Variants in ZXDC observed in about 807,000 individuals in gnomAD.
ZXDC encodes the protein zinc finger protein ZXDC.
Under a neutral mutation model 63.6 loss-of-function variants are expected in ZXDC, and 58 were observed. That is an observed-to-expected ratio of 0.91 (90% CI 0.74 to 1.13). The LOEUF is 1.13. ZXDC is among the 50% of genes most tolerant of loss of function. ZXDC has a pLI of 0.00. For missense variants in ZXDC, 1,133 were observed against 1,148.9 expected (o/e 0.99, Z 0.20); for synonymous variants, 561 against 496.1 (o/e 1.13, Z -1.74).
At chr3:126,462,300 G>A (rs771990694) in intron 5 of ZXDC, 80 bp from the exon 6 acceptor site, 58 of 1,495,524 alleles carry the variant, frequency 3.9e-5, no homozygotes, top group Admixed American at 1.8e-4. Flanking sequence ...TGATGTTACC[G>A]AGTGATGCCC....
chr3:126,438,399 A>AC lies in ZXDC; in HGVS notation c.2552_2553insG (p.Ile852TyrfsTer27), dbSNP rs1933544518. On this transcript the variant is annotated frameshift_variant, in exon 10 of 10. Transcript: ENST00000389709. LOFTEE classifies it high-confidence loss of function. Reference sequence around the variant, plus strand: ...GTCACTGCAGATCCTGCAGGTTGATAGTGCTTCCTGGGAACTGGGTGGCCT... The same window carrying AC: ...GTCACTGCAGATCCTGCAGGTTGATACGTGCTTCCTGGGAACTGGGTGGCCT... 6 of 1,613,566 alleles carry AC rather than the reference A, an allele frequency of 3.7e-6. No homozygotes were observed. In the East Asian group the frequency reaches 1.3e-4, roughly 36 times the overall value.
chr3:126,461,040 A>T, intron 6 of ZXDC: 3 of 984,862 alleles, frequency 3.0e-6, no homozygotes, highest in Non-Finnish European at 3.6e-6. Flanking sequence ...CTGGGGAAGT[A>T]CTCTTATAAT....
At position 126,475,601 on chromosome 3, in the gene ZXDC, C is replaced by CG; in HGVS notation, c.264dup (p.Glu89ArgfsTer166). Reference sequence around the variant, plus strand: ...TCGGCCTCCTGTGATCCGGCAGCCTCGGCGGCAGCGCCGCCGTGCGGCACT... The same window carrying CG: ...TCGGCCTCCTGTGATCCGGCAGCCTCGGGCGGCAGCGCCGCCGTGCGGCACT... On this transcript the variant is annotated frameshift_variant, in exon 1 of 10. Transcript: ENST00000389709. LOFTEE classifies it high-confidence loss of function. 2 of 1,468,758 alleles carry CG rather than the reference C, an allele frequency of 1.4e-6. No individual in the cohort carries two copies. Among genetic ancestry groups the CG allele is most frequent in the Non-Finnish European group, 1.8e-6 (2 of 1,108,128 alleles). The allele number at this position is 1,468,758 out of a possible 1,614,324, so 91.0% of individuals were successfully genotyped here. A position where few individuals can be genotyped will look rare whatever the true frequency, so the allele number is the denominator to read the frequency against.
Position 126,472,278 on chromosome 3 carries a change from C to T in ZXDC, c.935G>A (p.Ser312Asn). 1 of 1,611,844 alleles carries T rather than the reference C, an allele frequency of 6.2e-7. No individual in the cohort carries two copies. The highest frequency in any genetic ancestry group is 1.1e-5 in the South Asian group (1 of 90,994). ...GGCTCGGTTATGGGAAAACAGGGCACTCACTGTGATAAATGTCTTCTCACA... is the reference window on the plus strand; with the variant it reads ...GGCTCGGTTATGGGAAAACAGGGCATTCACTGTGATAAATGTCTTCTCACA... The part of the protein sequence containing the change: ...PGCEKTFITV[S>N]ALFSHNRAHF... The change falls in exon 2 of 10, where the codon AGT becomes AAT. Residue 312 changes from serine (S) to asparagine (N), a missense_variant. Physicochemically the swap from Ser to Asn is conservative, Grantham distance 46. Transcript: ENST00000389709.
At position 126,466,181 on chromosome 3, in the gene ZXDC, A is replaced by G. The variant is rs1281296806; in HGVS notation, c.1415T>C (p.Met472Thr). 6.2e-7 allele frequency: 1 copy of G among 1,614,002 alleles called. No homozygotes were observed. The change falls in exon 5 of 10, where the codon ATG becomes ACG. Residue 472 changes from methionine to threonine, a missense_variant. Coordinates refer to ENST00000389709, the MANE Select transcript of ZXDC (RefSeq NM_025112.5). The part of the protein sequence containing the change: ...FTSKHSMKAH[M>T]VRQHSRRQDL... ...TTGGCGCCGGCTGTGCTGTCTGACC[A>G]TGTGCGCCTTCATGCTGTGCTTGGA...
intron 5 of ZXDC, 67 bp from the exon 6 acceptor site, chr3:126,462,287 C>A: frequency 6.6e-7 from 1 of 1,510,852 alleles, no homozygotes; most frequent in South Asian, 1.3e-5. Flanking sequence ...TTGTTTATGC[C>A]CATGATGTTA....
rs1233082669 is a variant in ZXDC at position 126,475,181 on chromosome 3, G to A, written c.685C>T (p.Leu229=). 2 of 1,596,840 alleles carry A rather than the reference G, an allele frequency of 1.3e-6. No individual in the cohort carries two copies. Among genetic ancestry groups the A allele is most frequent in the African/African-American group, 1.3e-5 (1 of 74,538 alleles). ...FTTSYKLKRH[L]QSHDKLRPFG... ...GGCCGCAGCTTGTCGTGCGACTGCA[G>A]GTGCCGCTTGAGCTTGTAGGACGTT... The change falls in exon 1 of 10, where the codon CTG becomes TTG. Residue 229 remains leucine (L), a synonymous_variant. Transcript: ENST00000389709.
intron 8 of ZXDC, chr3:126,440,828 G>T: frequency 2.0e-6 from 2 of 986,540 alleles, no homozygotes; most frequent in Non-Finnish European, 2.4e-6. Context: ...TGCCCAGGCT[G>T]CCCCTCCTCT....
chr3:126,475,587 T>C lies in ZXDC; in HGVS notation c.279A>G (p.Ser93=). The C allele has an allele frequency of 6.8e-7, 1 of 1,460,288 alleles. No individual in the cohort carries two copies. Among genetic ancestry groups the C allele is most frequent in the South Asian group, 1.3e-5 (1 of 79,024 alleles). 90.5% of individuals were successfully genotyped at this position (1,460,288 alleles called of 1,614,324 possible). A position where few individuals can be genotyped will look rare whatever the true frequency, so the allele number is the denominator to read the frequency against. The change falls in exon 1 of 10, where the codon TCA becomes TCG. Residue 93 remains serine (S), a synonymous_variant. Coordinates refer to ENST00000389709, the MANE Select transcript of ZXDC (RefSeq NM_025112.5). ...HGGAAAEAAG[S]QEAEPGSRVN... is the part of the protein sequence containing the mutation. ...CACGGGAGCCAGGCTCGGCCTCCTG[T>C]GATCCGGCAGCCTCGGCGGCAGCGC... is the stretch of plus-strand genomic sequence containing the variant.
chr3:126,439,074 T>TCC (rs1353220812), intron 9 of ZXDC, among the ~76,000 whole-genome samples: 1 of 152,106 alleles, frequency 6.6e-6, no homozygotes, highest in Admixed American at 6.5e-5. Flanking sequence ...GGCCCTCTGC[T>TCC]CCCACCAGTG....
intron 7 of ZXDC, among the ~76,000 whole-genome samples, chr3:126,449,995 G>C (rs1049669013): frequency 6.6e-6 from 1 of 152,156 alleles, no homozygotes; most frequent in Non-Finnish European, 1.5e-5. Flanking sequence ...CCAGCACTGG[G>C]GTCACACCCA....
intron 7 of ZXDC, among the ~76,000 whole-genome samples, chr3:126,445,972 C>A (rs1032791014): frequency 3.3e-5 from 5 of 152,126 alleles, no homozygotes; most frequent in Admixed American, 6.5e-5. Flanking sequence ...GGGTCCACAC[C>A]ACGTCCTCAC....
chr3:126,466,263 C>T lies in ZXDC; in HGVS notation c.1333G>A (p.Asp445Asn), dbSNP rs1027050852. The change falls in exon 5 of 10, where the codon GAT becomes AAT. Residue 445 changes from aspartate to asparagine, a missense_variant. By Grantham distance (23) the Asp-to-Asn change is conservative. Coordinates refer to ENST00000389709, the MANE Select transcript of ZXDC (RefSeq NM_025112.5). ...CAACGGCTTTTCGGAGCACCCACAT[C>T]CTGCACGTGTTTCTTAGAGTGAATG... ...LYIHSKKHVQDVGAPKSRCPV... is the reference protein window; with the variant it reads ...LYIHSKKHVQNVGAPKSRCPV... 2.5e-6 allele frequency: 4 copies of T among 1,614,072 alleles called. No homozygotes were observed. The highest frequency in any genetic ancestry group is 2.7e-5 in the African/African-American group (2 of 74,910).
At chr3:126,448,871 C>T (rs1340672030) in intron 7 of ZXDC, among the ~76,000 whole-genome samples, 4 of 152,236 alleles carry the variant, frequency 2.6e-5, no homozygotes, top group Non-Finnish European at 5.9e-5. Context: ...TGGCTGGAAG[C>T]GCTGAGAGGA....
Position 126,459,688 on chromosome 3 carries a change from T to C in ZXDC, c.2177A>G (p.Lys726Arg). ...CCCCGCTCCTCTCTGCTTTTTTTCC[T>C]TGGCTAGTTGAATGGCTCGGTAATC... ...RTDYRAIQLA[K>R]EKKQRGAGSN... The change falls in exon 7 of 10, where the codon AAG becomes AGG. Residue 726 changes from lysine (K) to arginine (R), a missense_variant. Transcript: ENST00000389709. 6.2e-7 allele frequency: 1 copy of C among 1,614,210 alleles called. No individual in the cohort carries two copies. The highest frequency in any genetic ancestry group is 8.5e-7 in the Non-Finnish European group (1 of 1,180,034).
intron 7 of ZXDC, among the ~76,000 whole-genome samples, chr3:126,449,599 G>A (rs995431290): frequency 5.9e-5 from 9 of 152,176 alleles, no homozygotes; most frequent in South Asian, 2.1e-4. Flanking sequence ...ACAAATCATC[G>A]CTCTGGCTGT....
intron 7 of ZXDC, among the ~76,000 whole-genome samples, chr3:126,446,916 G>A (rs1179223345): frequency 1.3e-5 from 2 of 152,176 alleles, no homozygotes; most frequent in African/African-American, 4.8e-5. Flanking sequence ...TTCTTGGGTG[G>A]TGAAGCTACA....
chr3:126,464,801 C>T (rs1934692303), intron 5 of ZXDC, among the ~76,000 whole-genome samples: 1 of 152,166 alleles, frequency 6.6e-6, no homozygotes, highest in Non-Finnish European at 1.5e-5. Flanking sequence ...GTGACACCCT[C>T]CAACATGAAT....
chr3:126,472,300 C>T lies in ZXDC; in HGVS notation c.913G>A (p.Glu305Lys), dbSNP rs1935011930. 1 of 1,605,580 alleles carries T rather than the reference C, an allele frequency of 6.2e-7. No homozygotes were observed. The highest frequency in any genetic ancestry group is 1.1e-5 in the South Asian group (1 of 90,766). ...RPYKCDFPGC[E>K]KTFITVSALF... The stretch of plus-strand genomic sequence containing the variant: ...GCACTCACTGTGATAAATGTCTTCT[C>T]ACAGCCTGAACAAGGAAAACACAAA... The change falls in exon 2 of 10, where the codon GAG becomes AAG. Residue 305 changes from glutamate (E) to lysine (K), a missense_variant. Transcript: ENST00000389709.
Sources: gnomAD v4.1 joint callset for allele counts (sites outside exome capture counted in the v4.1 genomes callset) on GRCh38, gnomAD v4.1.1 for gene constraint, MANE v1.5 for transcripts, NCBI Gene and HGNC (gene_info 2026-07-23, HGNC 2026-07-21) for gene names.